SLC4A10: variants seen among roughly 807,000 people sequenced by gnomAD.
The protein encoded by SLC4A10 is sodium-driven chloride bicarbonate exchanger.
Under a neutral mutation model 137.7 loss-of-function variants are expected in SLC4A10, and 42 were observed. The ratio of observed to expected loss-of-function variants is 0.30; its 90% CI spans 0.24 to 0.39. The LOEUF is 0.39. SLC4A10 is among the 10% of genes least tolerant of loss of function. The pLI, the probability that SLC4A10 is intolerant of heterozygous loss-of-function variation, is 1.00. For missense variants in SLC4A10, 925 were observed against 1,355.0 expected, an observed-to-expected ratio of 0.68 and a Z score of 4.98; for synonymous variants, 474 against 464.1, an observed-to-expected ratio of 1.02 and a Z score of -0.27.
At chr2:161,649,532 T>C (rs1038783198) in intron 1 of SLC4A10, among the ~76,000 whole-genome samples, 7 of 152,218 alleles carry the variant, frequency 4.6e-5, no homozygotes, top group Admixed American at 3.9e-4. Flanking sequence ...TTACAGATTC[T>C]TAAGACTTAT....
rs375900519 is a variant in SLC4A10, at chr2:161,904,768, C to T, written c.1618-8C>T. ...TTAGGTAATTGAACCATTTATATCT[C>T]TACACAGAGTGCAATTGAATCTCTC... On this transcript the variant is annotated splice_region_variant and splice_polypyrimidine_tract_variant and intron_variant, in intron 13 of 26. Transcript: ENST00000446997. 1.2e-5 allele frequency: 20 copies of T among 1,613,860 alleles called. No individual in the cohort carries two copies. Among genetic ancestry groups the T allele is most frequent in the Non-Finnish European group, 1.6e-5 (19 of 1,179,824 alleles).
At chr2:161,687,343 T>G (rs1574348531) in intron 1 of SLC4A10, among the ~76,000 whole-genome samples, 1 of 152,100 alleles carries the variant, frequency 6.6e-6, no homozygotes, top group African/African-American at 2.4e-5. Flanking sequence ...TTCAGGTGAG[T>G]TTTTCTTCTC....
chr2:161,692,937 A>AG (rs1161304277), intron 1 of SLC4A10, among the ~76,000 whole-genome samples: 1 of 151,606 alleles, frequency 6.6e-6, no homozygotes, highest in Non-Finnish European at 1.5e-5. Context: ...AGCAAAAAAA[A>AG]AAATTGTATT....
intron 1 of SLC4A10, among the ~76,000 whole-genome samples, chr2:161,737,965 G>A (rs1174198330): frequency 6.6e-6 from 1 of 152,116 alleles, no homozygotes; most frequent in Non-Finnish European, 1.5e-5. Flanking sequence ...GTTTCTGCCT[G>A]ACCTAGTCAG....
intron 3 of SLC4A10, among the ~76,000 whole-genome samples, chr2:161,811,830 C>A (rs1413977030): frequency 2.0e-5 from 3 of 151,914 alleles, no homozygotes; most frequent in African/African-American, 7.3e-5. Context: ...TCCCTCTCAC[C>A]ACTCTGGAAA....
Position 161,783,097 on chromosome 2 carries a change from C to T in SLC4A10, c.130+12043C>T, listed in dbSNP as rs75862049. Among the ~76,000 whole-genome samples, 206 of 151,978 alleles carry T rather than the reference C, an allele frequency of 1.4e-3. 1 individual carries two copies. Among genetic ancestry groups the T allele is most frequent in the African/African-American group, 4.2e-3 (173 of 41,492 alleles). Reference sequence around the variant, plus strand: ...AAGCAACAAGGGAAAAGTTACTTGTCGGGTACAAGGGAAATTTCATAAGAG... The same window carrying T: ...AAGCAACAAGGGAAAAGTTACTTGTTGGGTACAAGGGAAATTTCATAAGAG... On this transcript the variant is annotated intron_variant, in intron 2 of 26. Transcript: ENST00000446997.
At chr2:161,896,863 C>T (rs2063561259) in intron 11 of SLC4A10, among the ~76,000 whole-genome samples, 2 of 151,930 alleles carry the variant, frequency 1.3e-5, no homozygotes, top group Admixed American at 1.3e-4. Flanking sequence ...GATTTTAGCC[C>T]CTACTTAAAA....
In SLC4A10 at chr2:161,955,740, A is replaced by C. The variant is rs928236677; in HGVS notation, c.2542-1249A>C. 2.6e-5 allele frequency among the ~76,000 whole-genome samples: 4 copies of C among 152,184 alleles called. No homozygotes were observed. The East Asian group carries it at 7.7e-4, about 29-fold the overall frequency. ...GCAACAAATACTCAGTGTGTTTCAC[A>C]CTCCAGGCTATAAGAGCTCTCATAC... On this transcript the variant is annotated intron_variant, in intron 19 of 26. Transcript: ENST00000446997.
chr2:161,888,308 C>T (rs562285354), intron 10 of SLC4A10, among the ~76,000 whole-genome samples: 4 of 152,066 alleles, frequency 2.6e-5, no homozygotes, highest in African/African-American at 9.6e-5. Context: ...AATTTAAAGT[C>T]GTTTTTTCCA....
chr2:161,834,210 G>A (rs2058618588), intron 3 of SLC4A10, among the ~76,000 whole-genome samples: 1 of 152,142 alleles, frequency 6.6e-6, no homozygotes, highest in East Asian at 1.9e-4. Context: ...GTCCTACATT[G>A]TAAGAGTAGT....
At chr2:161,657,901 T>G (rs1234181744) in intron 1 of SLC4A10, among the ~76,000 whole-genome samples, 3 of 152,164 alleles carry the variant, frequency 2.0e-5, no homozygotes, top group African/African-American at 7.2e-5. Context: ...CAAATTATAA[T>G]AGACCAATAT....
chr2:161,859,499 A>C (rs62187759), intron 5 of SLC4A10, among the ~76,000 whole-genome samples: 9,131 of 150,620 alleles, frequency 0.061, 362 homozygotes, highest in East Asian at 0.13. Context: ...ACCACGTTGG[A>C]CAGGGTGGTC....
chr2:161,874,922 T>C lies in SLC4A10; in HGVS notation c.948+917T>C, dbSNP rs555632789. Among the ~76,000 whole-genome samples the C allele has an allele frequency of 7.2e-5, 11 of 152,350 alleles. No individual in the cohort carries two copies. In the East Asian group the frequency reaches 1.3e-3, roughly 19 times the overall value. The stretch of plus-strand genomic sequence containing the variant: ...CAGTGCTTGACTTGTAGCAGGTATT[T>C]AATAAAAGGTGGTTACACTTATTAG... On this transcript the variant is annotated intron_variant, in intron 8 of 26. Coordinates refer to ENST00000446997, the MANE Select transcript of SLC4A10 (RefSeq NM_001178015.2).
intron 7 of SLC4A10, 47 bp downstream of exon 7, chr2:161,872,431 A>G (rs934580478): frequency 1.4e-6 from 2 of 1,424,004 alleles, no homozygotes; most frequent in Non-Finnish European, 2.0e-6. Flanking sequence ...AATTACTACT[A>G]GAAATTACTA....
At chr2:161,633,709 T>G (rs1008974504) in intron 1 of SLC4A10, among the ~76,000 whole-genome samples, 1 of 151,712 alleles carries the variant, frequency 6.6e-6, no homozygotes, top group African/African-American at 2.4e-5. Context: ...AATTCAATCC[T>G]TGATTCAATA....
At chr2:161,728,878 T>G (rs1042975763) in intron 1 of SLC4A10, among the ~76,000 whole-genome samples, 3 of 152,292 alleles carry the variant, frequency 2.0e-5, no homozygotes, top group South Asian at 4.1e-4. Context: ...GGTTTTATCT[T>G]GGGAATGAAA....
chr2:161,910,377 C>T (rs1318526043), intron 15 of SLC4A10, among the ~76,000 whole-genome samples: 3 of 151,982 alleles, frequency 2.0e-5, no homozygotes, highest in South Asian at 4.1e-4. Context: ...TTGCACCAGA[C>T]GATCAAGCTG....
At chr2:161,964,886 TGAAG>T (rs1294726161) in intron 22 of SLC4A10, among the ~76,000 whole-genome samples, 161 bp from the exon 23 acceptor site, 1 of 152,044 alleles carries the variant, frequency 6.6e-6, no homozygotes, top group African/African-American at 2.4e-5. Context: ...GAAAAGAAAA[TGAAG>T]GAAGCAGAAG....
In SLC4A10 at chr2:161,872,525, G is replaced by T. The variant is rs1575388288; in HGVS notation, c.858+141G>T. 1.0e-5 allele frequency: 5 copies of T among 490,282 alleles called. No individual in the cohort carries two copies. The South Asian group carries it at 1.0e-4, about 10-fold the overall frequency. 30.4% of individuals were successfully genotyped at this position (490,282 alleles called of 1,614,324 possible). A position where few individuals can be genotyped will look rare whatever the true frequency, so the allele number is the denominator to read the frequency against. On this transcript the variant is annotated intron_variant, in intron 7 of 26. Coordinates refer to ENST00000446997, the MANE Select transcript of SLC4A10 (RefSeq NM_001178015.2). Reference sequence around the variant, plus strand: ...CTTGATATTGTTACAGAAAATGTTAGCATTAAGTCCACATGTAACATTTTG... The same window carrying T: ...CTTGATATTGTTACAGAAAATGTTATCATTAAGTCCACATGTAACATTTTG...
Sources: allele counts gnomAD v4.1 joint callset (sites outside exome capture counted in the v4.1 genomes callset), GRCh38; gene constraint gnomAD v4.1.1; transcripts MANE v1.5; gene names NCBI Gene and HGNC (gene_info 2026-07-23, HGNC 2026-07-21).